The following RANBP2 variants were observed in gnomAD, a reference collection of about 807,000 sequenced individuals.
RANBP2 encodes RAN binding protein 2.
In RANBP2, 57 loss-of-function variants were observed where a neutral mutation model predicts 303.6. That is an observed-to-expected ratio of 0.19 (90% CI 0.15 to 0.23). The LOEUF is 0.23. RANBP2 is among the 10% of genes least tolerant of loss of function. The probability of loss-of-function intolerance (pLI) is 1.00; values close to 1 mark genes in which losing one functional copy is unlikely to be tolerated. For synonymous variants in RANBP2, 1,167 were observed against 1,301.5 expected, an observed-to-expected ratio of 0.90 and a Z score of 2.23; for missense variants, 3,138 against 3,780.8, an observed-to-expected ratio of 0.83 and a Z score of 4.46.
chr2:109,263,913 G>A, the RANBP2 span, among the ~76,000 whole-genome samples: 1 of 152,194 alleles, frequency 6.6e-6, no homozygotes, highest in South Asian at 2.1e-4. Flanking sequence ...AGCTTGCAGT[G>A]AGCCAAGATC....
the RANBP2 span, among the ~76,000 whole-genome samples, chr2:108,941,901 G>A: frequency 6.6e-6 from 1 of 151,740 alleles, no homozygotes. Flanking sequence ...GACAGCAGGT[G>A]GGAGCTTATC....
chr2:109,395,588 G>A, the RANBP2 span, among the ~76,000 whole-genome samples: 1 of 152,188 alleles, frequency 6.6e-6, no homozygotes, highest in African/African-American at 2.4e-5. Flanking sequence ...ACCGGCCTTC[G>A]GCTGGGGTTG....
intron 25 of RANBP2, among the ~76,000 whole-genome samples, chr2:108,777,942 A>G (rs1162257223): frequency 6.6e-6 from 1 of 152,086 alleles, no homozygotes; most frequent in African/African-American, 2.4e-5. Flanking sequence ...CCTCCTCTAT[A>G]TTTGCACTTT....
the RANBP2 span, among the ~76,000 whole-genome samples, chr2:109,390,929 G>A: frequency 2.6e-5 from 4 of 152,190 alleles, no homozygotes; most frequent in Non-Finnish European, 5.9e-5. Context: ...TGTGACAGCT[G>A]GGGTAGGCGG....
the RANBP2 span, among the ~76,000 whole-genome samples, chr2:109,078,076 G>GAA: frequency 1.8e-4 from 2 of 11,186 alleles, no homozygotes; most frequent in African/African-American, 8.8e-4. Context: ...ATTGACAGAT[G>GAA]AATATATATA....
At chr2:109,425,961 G>A in the RANBP2 span, among the ~76,000 whole-genome samples, 4 of 152,234 alleles carry the variant, frequency 2.6e-5, no homozygotes, top group East Asian at 7.7e-4. Context: ...GCAGTGGCAT[G>A]ATCTTGGCTC....
chr2:109,633,359 C>T, the RANBP2 span, among the ~76,000 whole-genome samples: 1 of 152,100 alleles, frequency 6.6e-6, no homozygotes, highest in African/African-American at 2.4e-5. Flanking sequence ...TGCTACTGCC[C>T]TCCAGCCTGG....
chr2:109,435,791 G>A, the RANBP2 span, among the ~76,000 whole-genome samples: 2 of 152,298 alleles, frequency 1.3e-5, no homozygotes, highest in South Asian at 4.1e-4. Flanking sequence ...GATTTCCTCG[G>A]GGAAAAGTGA....
intron 7 of RANBP2, among the ~76,000 whole-genome samples, chr2:108,741,609 C>T (rs1354960200): frequency 1.4e-5 from 2 of 141,372 alleles, no homozygotes; most frequent in East Asian, 4.2e-4. Context: ...GAGTTCACGC[C>T]ATTTTCCTGC....
At chr2:108,959,985 A>T in the RANBP2 span, among the ~76,000 whole-genome samples, 1 of 152,218 alleles carries the variant, frequency 6.6e-6, no homozygotes, top group Non-Finnish European at 1.5e-5. Flanking sequence ...AAAACATGCT[A>T]GTCTGCAGCC....
the RANBP2 span, among the ~76,000 whole-genome samples, chr2:109,553,767 T>G: frequency 2.0e-5 from 3 of 151,782 alleles, no homozygotes; most frequent in Non-Finnish European, 4.4e-5. Flanking sequence ...GGCAGGAGAA[T>G]TGCTTGAGCC....
At chr2:109,044,185 C>T in the RANBP2 span, among the ~76,000 whole-genome samples, 14 of 152,140 alleles carry the variant, frequency 9.2e-5, no homozygotes, top group Admixed American at 9.2e-4. Flanking sequence ...AACCCCATGA[C>T]ATTATATCTC....
the RANBP2 span, among the ~76,000 whole-genome samples, chr2:109,727,297 C>T: frequency 6.6e-6 from 1 of 152,146 alleles, no homozygotes; most frequent in Non-Finnish European, 1.5e-5. Flanking sequence ...ATACAAATAA[C>T]CTGTGGGAAA....
chr2:109,033,824 C>A, the RANBP2 span, among the ~76,000 whole-genome samples: 1 of 151,426 alleles, frequency 6.6e-6, no homozygotes, highest in East Asian at 2.0e-4. Context: ...GGTGTGGTGG[C>A]GGGCACCTGT....
the RANBP2 span, among the ~76,000 whole-genome samples, chr2:109,110,661 G>A: frequency 6.6e-6 from 1 of 152,202 alleles, no homozygotes; most frequent in Admixed American, 6.5e-5. Context: ...CAATGCAAGA[G>A]TTTCATCTGC....
At chr2:109,371,727 C>G in the RANBP2 span, 1 of 1,540,292 alleles carries the variant, frequency 6.5e-7, no homozygotes, top group Non-Finnish European at 8.9e-7. Context: ...CTTGCCCACC[C>G]TTGTTTCACT....
At chr2:109,522,749 G>T in the RANBP2 span, among the ~76,000 whole-genome samples, 3 of 152,276 alleles carry the variant, frequency 2.0e-5, no homozygotes, top group South Asian at 6.2e-4. Flanking sequence ...AAGCTTCCCA[G>T]TGACACTAAT....
At chr2:109,546,153 C>A in the RANBP2 span, 1 of 1,611,646 alleles carries the variant, frequency 6.2e-7, no homozygotes. Context: ...GCAATTATTT[C>A]TTCTTCCAAA....
chr2:109,453,214 T>C, the RANBP2 span, among the ~76,000 whole-genome samples: 23 of 152,286 alleles, frequency 1.5e-4, no homozygotes, highest in Non-Finnish European at 3.2e-4. Flanking sequence ...CAGGAACCTC[T>C]CCAGCCTACT....
Sources: gnomAD v4.1 joint callset for allele counts (sites outside exome capture counted in the v4.1 genomes callset) on GRCh38, gnomAD v4.1.1 for gene constraint, MANE v1.5 for transcripts, NCBI Gene and HGNC (gene_info 2026-07-23, HGNC 2026-07-21) for gene names.